SAFB2: variants seen among roughly 807,000 people sequenced by gnomAD.
The protein encoded by SAFB2 is scaffold attachment factor B2.
In SAFB2, 32 loss-of-function variants were observed where a neutral mutation model predicts 100.6. That is an observed-to-expected ratio of 0.32 (90% CI 0.24 to 0.43). The LOEUF (loss-of-function observed/expected upper bound fraction) is 0.43, where lower values mean the gene tolerates loss of function less well. Among genes scored for constraint, SAFB2 ranks in the 20% least tolerant of loss-of-function variants. The pLI, the probability that SAFB2 is intolerant of heterozygous loss-of-function variation, is 1.00. For synonymous variants in SAFB2, 500 were observed against 439.4 expected (o/e 1.14, Z -1.72); for missense variants, 1,185 against 1,163.4 (o/e 1.02, Z -0.27).
chr19:5,593,932 C>A lies in SAFB2; in HGVS notation c.2166G>T (p.Glu722Asp), dbSNP rs776039685. ...LRRQQEQLRY[E>D]QERRPGRRPY... ...GCCTCCGCCCGGGCCGCCGCTCCTGCTCGTAACGCAGCTGCTCCTGCTGGC... is the reference window on the plus strand; with the variant it reads ...GCCTCCGCCCGGGCCGCCGCTCCTGATCGTAACGCAGCTGCTCCTGCTGGC... The change falls in exon 15 of 21, where the codon GAG becomes GAT. Residue 722 changes from glutamate (E) to aspartate (D), a missense_variant. Transcript: ENST00000252542. The A allele has an allele frequency of 6.5e-7, 1 of 1,550,120 alleles. No homozygotes were observed. The highest frequency in any genetic ancestry group is 8.6e-7 in the Non-Finnish European group (1 of 1,158,342).
intron 18 of SAFB2, 141 bp downstream of exon 18, chr19:5,590,137 G>C (rs2052359391): frequency 1.4e-6 from 1 of 711,764 alleles, no homozygotes; most frequent in Admixed American, 3.8e-5. Flanking sequence ...TGAGTCAGGG[G>C]TTTCAAATGG....
intron 2 of SAFB2, among the ~76,000 whole-genome samples, chr19:5,618,544 A>G (rs16993062): frequency 0.039 from 5,874 of 152,282 alleles, 416 homozygotes; most frequent in African/African-American, 0.13. Context: ...TATTATCTGC[A>G]TTTGACACGA....
At chr19:5,604,726 G>A in intron 10 of SAFB2, 31 bp from the exon 11 acceptor site, 1 of 1,613,742 alleles carries the variant, frequency 6.2e-7, no homozygotes, top group Non-Finnish European at 8.5e-7. Flanking sequence ...ATGATGTGTG[G>A]CCCAGAGCTT....
chr19:5,613,674 C>A, intron 4 of SAFB2, 147 bp from the exon 5 acceptor site: 6 of 1,458,612 alleles, frequency 4.1e-6, no homozygotes, highest in Non-Finnish European at 5.4e-6. Flanking sequence ...CAGTTCAGCA[C>A]CTGCCTCTCC....
At chr19:5,619,988 T>C (rs2053107877) in intron 2 of SAFB2, among the ~76,000 whole-genome samples, 1 of 152,002 alleles carries the variant, frequency 6.6e-6, no homozygotes, top group Non-Finnish European at 1.5e-5. Context: ...TCCCAACCAC[T>C]AAAAAAAGAA....
rs79034443 is a variant in SAFB2, at chr19:5,612,974, C to T, written c.607-407G>A. On this transcript the variant is annotated intron_variant, in intron 5 of 20. Coordinates refer to ENST00000252542, the MANE Select transcript of SAFB2 (RefSeq NM_014649.3). Reference sequence around the variant, plus strand: ...GAAACCTGTCATAACAAAATGATCTCTCTACTCTGCTGAAAACCTTTTCCG... The same window carrying T: ...GAAACCTGTCATAACAAAATGATCTTTCTACTCTGCTGAAAACCTTTTCCG... Among the ~76,000 whole-genome samples the T allele has an allele frequency of 3.2e-3, 492 of 152,382 alleles. 16 individuals carry two copies. In the East Asian group the frequency reaches 0.087, roughly 27 times the overall value.
intron 4 of SAFB2, among the ~76,000 whole-genome samples, chr19:5,615,081 G>A (rs1333875603): frequency 2.0e-5 from 3 of 152,138 alleles, no homozygotes; most frequent in South Asian, 2.1e-4. Flanking sequence ...GTGGCTGGGC[G>A]CAGTGGCTCA....
At chr19:5,601,572 C>A (rs146426630) in intron 11 of SAFB2, among the ~76,000 whole-genome samples, 5 of 152,054 alleles carry the variant, frequency 3.3e-5, no homozygotes, top group African/African-American at 4.8e-5. Flanking sequence ...TTTAGCCAGG[C>A]GTGGTGGCGC....
intron 13 of SAFB2, among the ~76,000 whole-genome samples, chr19:5,597,548 T>C (rs1568212601): frequency 6.6e-6 from 1 of 152,194 alleles, no homozygotes; most frequent in Non-Finnish European, 1.5e-5. Flanking sequence ...GCACATCCTC[T>C]GTCTGTGGTC....
Position 5,593,937 on chromosome 19 carries a change from A to AACGCAGCTGCTCCTGCTG in SAFB2, c.2143_2160dup (p.Gln715_Arg720dup). ...CGCCCGGGCCGCCGCTCCTGCTCGT[A>AACGCAGCTGCTCCTGCTG]ACGCAGCTGCTCCTGCTGGCGCCGC... On this transcript the variant is annotated inframe_insertion, in exon 15 of 21. Coordinates refer to ENST00000252542, the MANE Select transcript of SAFB2 (RefSeq NM_014649.3). 6.4e-7 allele frequency: 1 copy of AACGCAGCTGCTCCTGCTG among 1,552,438 alleles called. No homozygotes were observed. Among genetic ancestry groups the AACGCAGCTGCTCCTGCTG allele is most frequent in the South Asian group, 1.2e-5 (1 of 83,098 alleles).
chr19:5,622,232 A>C (rs544337018), intron 1 of SAFB2, among the ~76,000 whole-genome samples: 1 of 152,340 alleles, frequency 6.6e-6, no homozygotes, highest in South Asian at 2.1e-4. Flanking sequence ...TCACAGAGCC[A>C]AGGCTCGATC....
Position 5,592,824 on chromosome 19 carries a change from GTC to G in SAFB2, c.2269_2270del (p.Asp757LeufsTer46). 6.2e-7 allele frequency: 1 copy of G among 1,614,162 alleles called. No individual in the cohort carries two copies. The highest frequency in any genetic ancestry group is 8.5e-7 in the Non-Finnish European group (1 of 1,180,040). On this transcript the variant is annotated frameshift_variant, in exon 16 of 21. Coordinates refer to ENST00000252542, the MANE Select transcript of SAFB2 (RefSeq NM_014649.3). LOFTEE classifies it high-confidence loss of function. ...GAAAGCGGTGGTCTGGCCGGGGAAAGTCTGCACGATATCGGTCCTCCATTGCC... is the reference window on the plus strand; with the variant it reads ...GAAAGCGGTGGTCTGGCCGGGGAAAGTGCACGATATCGGTCCTCCATTGCC... Reference protein sequence around the residue: ...RVAMEDRYRADFPRPDHRFHD... With the variant: ...RVAMEDRYRAXFPRPDHRFHD...
intron 6 of SAFB2, chr19:5,612,072 C>T (rs896331009): frequency 2.4e-5 from 8 of 334,674 alleles, no homozygotes; most frequent in Non-Finnish European, 3.9e-5. Flanking sequence ...GGGAGATAAA[C>T]GCAGTCCGGA....
Position 5,591,806 on chromosome 19 carries a change from A to G in SAFB2, c.2349-13T>C, listed in dbSNP as rs2052412290. On this transcript the variant is annotated splice_polypyrimidine_tract_variant and intron_variant, in intron 16 of 20. Transcript: ENST00000252542. Reference sequence around the variant, plus strand: ...CGAACCCTCCCGCCTGCAAAAGGAAAAGATCCCGTTCAAACAGCACCAGGC... The same window carrying G: ...CGAACCCTCCCGCCTGCAAAAGGAAGAGATCCCGTTCAAACAGCACCAGGC... The G allele has an allele frequency of 6.2e-7, 1 of 1,613,848 alleles. No homozygotes were observed. Among genetic ancestry groups the G allele is most frequent in the South Asian group, 1.1e-5 (1 of 91,076 alleles).
rs570741473 is a variant in SAFB2 at position 5,594,099 on chromosome 19, G to A, written c.1999C>T (p.Arg667Cys). The change falls in exon 15 of 21, where the codon CGC becomes TGC. Residue 667 changes from arginine (R) to cysteine (C), a missense_variant. Physicochemically the swap from Arg to Cys is radical, Grantham distance 180. Around this residue, in one of 3 missense-constraint regions of SAFB2, gnomAD observed 740 missense variants for 687.1 expected, o/e 1.08. Transcript: ENST00000252542. ...RKEKARLQRE[R>C]LQLECQRQRL... ...TGGCGCTGGCACTCGAGCTGCAGGC[G>A]TTCCCGCTGTAGCCGGGCCTTCTCC... The A allele has an allele frequency of 1.9e-6, 3 of 1,600,282 alleles. No homozygotes were observed. The highest frequency in any genetic ancestry group is 2.2e-5 in the South Asian group (2 of 90,102).
Position 5,611,396 on chromosome 19 carries a change from G to A in SAFB2, c.869C>T (p.Ala290Val), listed in dbSNP as rs1185475335. ...CTCCGCGGGCTCCCTTTTCACTACC[G>A]CTAACAGGCTGTCTGCCTTGCTCGA... ...AQSSKADSLLAVVKREPAEQP... is the reference protein window; with the variant it reads ...AQSSKADSLLVVVKREPAEQP... The change falls in exon 7 of 21, where the codon GCG (alanine) becomes GTG (valine). Residue 290 changes from alanine to valine, a missense_variant. Physicochemically the swap from Ala to Val is moderately conservative, Grantham distance 64. Coordinates refer to ENST00000252542, the MANE Select transcript of SAFB2 (RefSeq NM_014649.3). The A allele has an allele frequency of 4.8e-5, 17 of 351,594 alleles. No individual in the cohort carries two copies. The highest frequency in any genetic ancestry group is 1.4e-4 in the South Asian group (6 of 42,114). 21.8% of individuals were successfully genotyped at this position (351,594 alleles called of 1,614,324 possible). A position where few individuals can be genotyped will look rare whatever the true frequency, so the allele number is the denominator to read the frequency against.
intron 4 of SAFB2, chr19:5,613,847 G>T: frequency 1.6e-6 from 1 of 606,080 alleles, no homozygotes; most frequent in Non-Finnish European, 2.1e-6. Flanking sequence ...GATTTCCAAA[G>T]CAGAACTCAA....
chr19:5,617,904 G>A (rs1451536568), intron 2 of SAFB2, among the ~76,000 whole-genome samples: 5 of 152,218 alleles, frequency 3.3e-5, no homozygotes, highest in Admixed American at 3.3e-4. Context: ...CATTTTGGGA[G>A]GCTAAGGCAG....
chr19:5,607,419 A>T (rs1000333940), intron 9 of SAFB2, among the ~76,000 whole-genome samples: 3 of 152,200 alleles, frequency 2.0e-5, no homozygotes, highest in African/African-American at 7.2e-5. Flanking sequence ...CGGGAGGGGA[A>T]ATGCAAGTAT....
Sources: allele counts gnomAD v4.1 joint callset (sites outside exome capture counted in the v4.1 genomes callset), GRCh38; gene constraint gnomAD v4.1.1; regional missense constraint gnomAD v4.1.1; transcripts MANE v1.5; gene names NCBI Gene and HGNC (gene_info 2026-07-23, HGNC 2026-07-21).